STK32B: variants seen among roughly 807,000 people sequenced by gnomAD.
STK32B encodes serine/threonine kinase 32B.
In STK32B, 43 loss-of-function variants were observed where a neutral mutation model predicts 52.6. The observed-to-expected ratio is 0.82, with a 90% CI of 0.64 to 1.05. The LOEUF (loss-of-function observed/expected upper bound fraction) is 1.05. Ranked by LOEUF, STK32B falls within the 50% of genes least tolerant of loss-of-function variation. The pLI, the probability that STK32B is intolerant of heterozygous loss-of-function variation, is 0.00. For missense variants in STK32B, 621 were observed against 534.6 expected (o/e 1.16, Z -1.59); for synonymous variants, 238 against 204.3 (o/e 1.17, Z -1.41).
intron 11 of STK32B, among the ~76,000 whole-genome samples, chr4:5,475,939 G>A (rs1718205196): frequency 6.6e-6 from 1 of 151,794 alleles, no homozygotes; most frequent in South Asian, 2.1e-4. Context: ...TCGTCGCCCA[G>A]GCTGGAGTGC....
rs1725422522 is a variant in STK32B at position 5,245,982 on chromosome 4, C to T, written c.260+77532C>T. Among the ~76,000 whole-genome samples, 4 of 152,222 alleles carry T rather than the reference C, an allele frequency of 2.6e-5. No homozygotes were observed. The South Asian group carries it at 8.3e-4, about 31-fold the overall frequency. On this transcript the variant is annotated intron_variant, in intron 3 of 11. Transcript: ENST00000282908. ...AGCTTCCCTTTGTGGGTAACCCGAC[C>T]TTTCTCTTTGGCTGCCCTTAACACT...
chr4:5,320,241 C>G (rs527620298), intron 3 of STK32B, among the ~76,000 whole-genome samples: 16 of 152,214 alleles, frequency 1.1e-4, no homozygotes, highest in Non-Finnish European at 2.2e-4. Context: ...GAATGATTCC[C>G]CCTCCCATGA....
At chr4:5,234,077 G>A (rs1487124874) in intron 3 of STK32B, among the ~76,000 whole-genome samples, 1 of 152,030 alleles carries the variant, frequency 6.6e-6, no homozygotes, top group Non-Finnish European at 1.5e-5. Flanking sequence ...ATCTGATGAG[G>A]TTTGTTCTGT....
intron 9 of STK32B, among the ~76,000 whole-genome samples, chr4:5,465,229 CAGGGGCTGGGCT>C (rs778033726): frequency 6.6e-6 from 1 of 152,166 alleles, no homozygotes; most frequent in Non-Finnish European, 1.5e-5. Flanking sequence ...TCCTGTGTGG[CAGGGGCTGGGCT>C]AGGAGCTTTT....
At chr4:5,094,567 G>A (rs1334376837) in intron 1 of STK32B, among the ~76,000 whole-genome samples, 1 of 152,074 alleles carries the variant, frequency 6.6e-6, no homozygotes, top group Admixed American at 6.5e-5. Context: ...GGCAGGAGGA[G>A]TCACTTGAGC....
chr4:5,440,311 G>A (rs1714596539), intron 6 of STK32B, among the ~76,000 whole-genome samples: 1 of 152,080 alleles, frequency 6.6e-6, no homozygotes, highest in African/African-American at 2.4e-5. Flanking sequence ...CCTTGAAGAG[G>A]TCCTACACAT....
intron 3 of STK32B, among the ~76,000 whole-genome samples, chr4:5,194,338 T>C (rs891535211): frequency 3.3e-5 from 5 of 152,200 alleles, no homozygotes; most frequent in African/African-American, 4.8e-5. Context: ...GCTTGGGACT[T>C]AGTATGTTCA....
intron 4 of STK32B, among the ~76,000 whole-genome samples, chr4:5,388,585 C>T (rs1736404848): frequency 6.6e-6 from 1 of 152,186 alleles, no homozygotes; most frequent in Non-Finnish European, 1.5e-5. Context: ...ACTACCATGG[C>T]TCCAGCCTTG....
intron 1 of STK32B, among the ~76,000 whole-genome samples, chr4:5,083,546 A>G (rs1175057496): frequency 6.6e-6 from 1 of 152,244 alleles, no homozygotes; most frequent in African/African-American, 2.4e-5. Context: ...AGAGACTGGC[A>G]AATAGTACAT....
chr4:5,488,255 G>A lies in STK32B; in HGVS notation c.1107-10690G>A, dbSNP rs112390340. Among the ~76,000 whole-genome samples, 1,039 of 152,162 alleles carry A rather than the reference G, an allele frequency of 6.8e-3. 6 individuals are homozygous for A. The highest frequency in any genetic ancestry group is 0.011 in the Non-Finnish European group (764 of 68,002). ...AGAGGTTGCAGTGAGCTGAGATCACGCCACTGCACTCCAGCCTGGGTGACA... is the reference window on the plus strand; with the variant it reads ...AGAGGTTGCAGTGAGCTGAGATCACACCACTGCACTCCAGCCTGGGTGACA... On this transcript the variant is annotated intron_variant, in intron 11 of 11. Transcript: ENST00000282908.
At chr4:5,359,382 TC>T (rs761261589) in intron 4 of STK32B, among the ~76,000 whole-genome samples, 46,197 of 140,688 alleles carry the variant, frequency 0.33, 9,083 homozygotes, top group African/African-American at 0.6. Flanking sequence ...CATCCAACCC[TC>T]CCTCCCTCCC....
chr4:5,180,459 C>T (rs113001799), intron 3 of STK32B, among the ~76,000 whole-genome samples: 1 of 152,156 alleles, frequency 6.6e-6, no homozygotes, highest in Non-Finnish European at 1.5e-5. Flanking sequence ...GGACATGAAG[C>T]CAGGCTGTCT....
At chr4:5,074,188 A>ATATG (rs375845988) in intron 1 of STK32B, among the ~76,000 whole-genome samples, 6 of 148,800 alleles carry the variant, frequency 4.0e-5, no homozygotes, top group African/African-American at 9.9e-5. Context: ...AAATATATAT[A>ATATG]TGTGTGTGTG....
intron 11 of STK32B, among the ~76,000 whole-genome samples, chr4:5,479,333 G>T (rs1859386): frequency 0.086 from 13,109 of 151,892 alleles, 956 homozygotes; most frequent in African/African-American, 0.2. Context: ...TGGTCAGGCT[G>T]GTCTCAAATT....
intron 4 of STK32B, among the ~76,000 whole-genome samples, chr4:5,373,218 A>G (rs1183661047): frequency 1.3e-5 from 2 of 152,158 alleles, no homozygotes; most frequent in African/African-American, 2.4e-5. Flanking sequence ...GAGAAACAGA[A>G]CCAATAGGAT....
At chr4:5,063,145 G>T (rs1172314913) in intron 1 of STK32B, among the ~76,000 whole-genome samples, 5 of 152,042 alleles carry the variant, frequency 3.3e-5, no homozygotes, top group Admixed American at 1.3e-4. Context: ...ACAGGTGTGT[G>T]TCCAAATTTC....
intron 5 of STK32B, among the ~76,000 whole-genome samples, chr4:5,404,227 T>A (rs1737500231): frequency 6.6e-6 from 1 of 152,064 alleles, no homozygotes; most frequent in South Asian, 2.1e-4. Flanking sequence ...GATCACGGTG[T>A]CAGCATGGCC....
At chr4:5,364,181 C>T (rs1432209521) in intron 4 of STK32B, among the ~76,000 whole-genome samples, 1 of 152,218 alleles carries the variant, frequency 6.6e-6, no homozygotes, top group Non-Finnish European at 1.5e-5. Context: ...CTCACTTTTC[C>T]CACTGGTGCT....
Position 5,494,593 on chromosome 4 carries a change from T to C in STK32B, c.1107-4352T>C, listed in dbSNP as rs535701814. On this transcript the variant is annotated intron_variant, in intron 11 of 11. Coordinates refer to ENST00000282908, the MANE Select transcript of STK32B (RefSeq NM_018401.3). ...CATTTACATTTAAGGTTAATATTGT[T>C]ATGTGTGAATTTGATCCTGTCATGA... 2.1e-3 allele frequency among the ~76,000 whole-genome samples: 321 copies of C among 152,286 alleles called. 3 individuals carry two copies. Among genetic ancestry groups the C allele is most frequent in the African/African-American group, 7.3e-3 (304 of 41,544 alleles).
Sources: allele counts gnomAD v4.1 joint callset (sites outside exome capture counted in the v4.1 genomes callset), GRCh38; gene constraint gnomAD v4.1.1; transcripts MANE v1.5; gene names NCBI Gene and HGNC (gene_info 2026-07-23, HGNC 2026-07-21).